The following SGK1 variants were observed in gnomAD, a reference collection of about 807,000 sequenced individuals.
SGK1 encodes the protein serine/threonine-protein kinase Sgk1.
A neutral mutation model predicts 64.2 loss-of-function variants in SGK1; 26 were observed. That is an observed-to-expected ratio of 0.40 (90% CI 0.30 to 0.56). The LOEUF is 0.56. SGK1 is among the 20% of genes least tolerant of loss of function. The pLI, the probability that SGK1 is intolerant of heterozygous loss-of-function variation, is 0.38. For synonymous variants in SGK1, 265 were observed against 239.7 expected (o/e 1.11, Z -0.98); for missense variants, 519 against 645.6 (o/e 0.80, Z 2.12).
At chr6:134,256,386 A>ATG (rs139734886) in intron 2 of SGK1, among the ~76,000 whole-genome samples, 5 of 151,268 alleles carry the variant, frequency 3.3e-5, no homozygotes, top group Admixed American at 2.6e-4. Context: ...GTGTGTGTGT[A>ATG]TGTGTGTGTG....
At chr6:134,300,656 G>A (rs1777439267) in intron 1 of SGK1, among the ~76,000 whole-genome samples, 1 of 129,008 alleles carries the variant, frequency 7.8e-6, no homozygotes, top group African/African-American at 2.8e-5. Flanking sequence ...TTTTGGAGAT[G>A]GAGTCTCGCT....
At chr6:134,207,150 T>C (rs1020648108) in intron 3 of SGK1, among the ~76,000 whole-genome samples, 5 of 151,594 alleles carry the variant, frequency 3.3e-5, no homozygotes, top group Non-Finnish European at 7.4e-5. Context: ...GGCGTGAACC[T>C]GGGAGGCGGA....
chr6:134,205,378 AT>A (rs984747189), intron 3 of SGK1, among the ~76,000 whole-genome samples: 1 of 151,812 alleles, frequency 6.6e-6, no homozygotes, highest in Non-Finnish European at 1.5e-5. Flanking sequence ...ACAGAAAACA[AT>A]TTTTTGACAG....
intron 1 of SGK1, among the ~76,000 whole-genome samples, chr6:134,300,356 G>A (rs1350292960): frequency 2.6e-5 from 4 of 151,772 alleles, no homozygotes. Flanking sequence ...GGCTAACATG[G>A]TGAAACCCCA....
chr6:134,177,741 A>C, intron 3 of SGK1: 1 of 1,613,926 alleles, frequency 6.2e-7, no homozygotes, highest in Non-Finnish European at 8.5e-7. Flanking sequence ...TTACTTCTGG[A>C]GGCTGGAGGT....
chr6:134,215,084 T>G (rs1775955565), intron 2 of SGK1: 1 of 455,778 alleles, frequency 2.2e-6, no homozygotes, highest in African/African-American at 2.0e-5. Context: ...CCAGAAGTTT[T>G]GCAGAGAATC....
intron 1 of SGK1, among the ~76,000 whole-genome samples, chr6:134,285,420 GCGAGC>G (rs1441839513): frequency 6.7e-6 from 1 of 149,958 alleles, no homozygotes; most frequent in African/African-American, 2.5e-5. Context: ...AGAGGTTGCA[GCGAGC>G]TGAGATCCTG....
Position 134,177,129 on chromosome 6 carries a change from G to A in SGK1, c.362-2543C>T, listed in dbSNP as rs192936199. Among the ~76,000 whole-genome samples, 44 of 152,200 alleles carry A rather than the reference G, an allele frequency of 2.9e-4. 2 individuals carry two copies. In the East Asian group the frequency reaches 8.1e-3, roughly 28 times the overall value. ...CTCGGGAGGCTGAGGCAGGAGAATC[G>A]CTTGAACCCGGGAGGCGGAGGTTGC... On this transcript the variant is annotated intron_variant, in intron 3 of 13. Transcript: ENST00000367858.
Position 134,206,370 on chromosome 6 carries a change from T to C in SGK1, c.361+986A>G, listed in dbSNP as rs1213464555. ...ATATATATATATATATATATATATA[T>C]ATATATATATATATTTTTTTTTTTT... On this transcript the variant is annotated intron_variant, in intron 3 of 13. Transcript: ENST00000367858. 3.1e-3 allele frequency among the ~76,000 whole-genome samples: 21 copies of C among 6,856 alleles called. 1 individual carries two copies. Among genetic ancestry groups the C allele is most frequent in the African/African-American group, 9.7e-3 (21 of 2,168 alleles). The allele number at this position is 6,856 out of a possible 152,430, so 4.5% of individuals were successfully genotyped here.
chr6:134,260,326 G>A (rs2114746109), intron 2 of SGK1: 1 of 150,536 alleles, frequency 6.6e-6, no homozygotes, highest in Non-Finnish European at 1.5e-5. Flanking sequence ...CTCAAGTCAG[G>A]GTTACAGAGC....
At chr6:134,282,478 C>T (rs1425139079) in intron 1 of SGK1, among the ~76,000 whole-genome samples, 2 of 151,854 alleles carry the variant, frequency 1.3e-5, no homozygotes, top group Admixed American at 6.6e-5. Flanking sequence ...ATGGTGAAAC[C>T]CCCTCTCTGC....
At chr6:134,183,028 G>T (rs1775355276) in intron 3 of SGK1, among the ~76,000 whole-genome samples, 1 of 152,120 alleles carries the variant, frequency 6.6e-6, no homozygotes, top group Non-Finnish European at 1.5e-5. Context: ...AAGATCAGAG[G>T]CCAGTCATAC....
At chr6:134,219,314 A>C (rs1185356061) in intron 2 of SGK1, among the ~76,000 whole-genome samples, 1 of 151,988 alleles carries the variant, frequency 6.6e-6, no homozygotes, top group African/African-American at 2.4e-5. Context: ...GCCTGGCCCT[A>C]AAATGGCTGT....
rs371687628 is a variant in SGK1 at position 134,171,017 on chromosome 6, A to G, written c.1323+6T>C. ...CGGCCCAGGAGGACAGGAAAACATC[A>G]CTCACGAAGTCATCCTTGGCCCCGA... On this transcript the variant is annotated splice_donor_region_variant and intron_variant, in intron 12 of 13. Transcript: ENST00000367858. 4.6e-5 allele frequency: 75 copies of G among 1,613,696 alleles called. No homozygotes were observed. The Middle Eastern group carries it at 4.9e-4, about 11-fold the overall frequency.
intron 2 of SGK1, among the ~76,000 whole-genome samples, chr6:134,257,635 G>A (rs536891988): frequency 2.0e-4 from 30 of 151,858 alleles, no homozygotes; most frequent in African/African-American, 6.3e-4. Context: ...GATCTCAGAC[G>A]AAAAAGGGAT....
rs1339711758 is a variant in SGK1, at chr6:134,170,925, A to C, written c.1324-10T>G. ...GACTCTTAATCTCCATCTGTTGATA[A>C]GAAACCCAAGATTAATTTAGACAGG... On this transcript the variant is annotated splice_polypyrimidine_tract_variant and intron_variant, in intron 12 of 13. Coordinates refer to ENST00000367858, the MANE Select transcript of SGK1 (RefSeq NM_001143676.3). The C allele has an allele frequency of 6.2e-7, 1 of 1,609,260 alleles. No individual in the cohort carries two copies. Among genetic ancestry groups the C allele is most frequent in the East Asian group, 2.2e-5 (1 of 44,878 alleles).
rs780097878 is a variant in SGK1 at position 134,262,061 on chromosome 6, T to C, written c.157A>G (p.Ile53Val). 6.2e-7 allele frequency: 1 copy of C among 1,613,840 alleles called. No individual in the cohort carries two copies. The highest frequency in any genetic ancestry group is 8.5e-7 in the Non-Finnish European group (1 of 1,179,720). The change falls in exon 2 of 14, where the codon ATC becomes GTC. Residue 53 changes from isoleucine to valine, a missense_variant. Physicochemically the swap from Ile to Val is conservative, Grantham distance 29. Transcript: ENST00000367858. ...LKYTGSSMVH[I>V]PPGEPDFESS... ...TCGAAGTCTGGCTCCCCTGGAGGGA[T>C]GTGCACCATGGAGGAGCCGGTGTAC...
At chr6:134,173,184 C>T (rs1775087502) in intron 7 of SGK1, 30 bp from the exon 8 acceptor site, 1 of 1,610,224 alleles carries the variant, frequency 6.2e-7, no homozygotes, top group Non-Finnish European at 8.5e-7. Context: ...GATTTAGTGG[C>T]ATGTTTCAAC....
At chr6:134,213,243 C>T (rs978127219) in intron 2 of SGK1, among the ~76,000 whole-genome samples, 4 of 151,994 alleles carry the variant, frequency 2.6e-5, no homozygotes, top group African/African-American at 4.8e-5. Context: ...AAGTCTTGGC[C>T]GGGTATGGGG....
Sources: allele counts gnomAD v4.1 joint callset (sites outside exome capture counted in the v4.1 genomes callset), GRCh38; gene constraint gnomAD v4.1.1; transcripts MANE v1.5; gene names NCBI Gene and HGNC (gene_info 2026-07-23, HGNC 2026-07-21).